KCNH7: variants seen among roughly 807,000 people sequenced by gnomAD.
KCNH7 encodes the protein voltage-gated inwardly rectifying potassium channel KCNH7.
KCNH7 carries 49 observed loss-of-function variants against 120.8 expected under a neutral mutation model. That is an observed-to-expected ratio of 0.41 (90% CI 0.32 to 0.51). KCNH7 has a LOEUF of 0.51. KCNH7 is among the 20% of genes least tolerant of loss of function. The probability of loss-of-function intolerance (pLI) is 0.38; values close to 1 mark genes in which losing one functional copy is unlikely to be tolerated. For synonymous variants in KCNH7, 547 were observed against 516.1 expected (o/e 1.06, Z -0.81); for missense variants, 1,097 against 1,446.6 (o/e 0.76, Z 3.92).
chr2:162,537,955 C>T (rs1330177004), intron 2 of KCNH7: 4 of 152,090 alleles, frequency 2.6e-5, no homozygotes, highest in African/African-American at 9.7e-5. Flanking sequence ...CTAGAATTCC[C>T]TCAAAGCAGT....
At chr2:162,774,157 T>G (rs1180037175) in intron 2 of KCNH7, among the ~76,000 whole-genome samples, 3 of 152,122 alleles carry the variant, frequency 2.0e-5, no homozygotes, top group Non-Finnish European at 4.4e-5. Flanking sequence ...AAAAGAAACT[T>G]TCTACACTTA....
At chr2:162,737,222 G>A (rs1440027630) in intron 2 of KCNH7, among the ~76,000 whole-genome samples, 2 of 152,134 alleles carry the variant, frequency 1.3e-5, no homozygotes, top group African/African-American at 2.4e-5. Flanking sequence ...TCTGCCTTGA[G>A]TTAAATGGGG....
At chr2:162,667,018 CTTTTT>C (rs34213467) in intron 2 of KCNH7, among the ~76,000 whole-genome samples, 13 of 124,214 alleles carry the variant, frequency 1.0e-4, no homozygotes, top group Non-Finnish European at 2.0e-4. Flanking sequence ...TTTTCTTTTT[CTTTTT>C]TTTTTTTTTT....
rs527466513 is a variant in KCNH7 at position 162,420,281 on chromosome 2, C to A, written c.2154+3055G>T. 9.9e-5 allele frequency among the ~76,000 whole-genome samples: 15 copies of A among 152,234 alleles called. No individual in the cohort carries two copies. In the South Asian group the frequency reaches 3.1e-3, roughly 32 times the overall value. On this transcript the variant is annotated intron_variant, in intron 9 of 15. Transcript: ENST00000332142. ...ATCCCAGCTACTCAGGAGGCTGAGG[C>A]AGGAGAATTGCTTGAACCCAGGAGG... is the stretch of plus-strand genomic sequence containing the variant.
intron 2 of KCNH7, among the ~76,000 whole-genome samples, chr2:162,681,641 T>C (rs923817754): frequency 2.6e-5 from 4 of 151,820 alleles, no homozygotes; most frequent in African/African-American, 9.6e-5. Flanking sequence ...ACCCCATTAA[T>C]GTTGCTAATT....
At chr2:162,552,322 T>C (rs1047816751) in intron 2 of KCNH7, among the ~76,000 whole-genome samples, 1 of 152,194 alleles carries the variant, frequency 6.6e-6, no homozygotes, top group Admixed American at 6.5e-5. Flanking sequence ...TTAACAGATA[T>C]TTATCAGAGT....
intron 6 of KCNH7, among the ~76,000 whole-genome samples, chr2:162,502,635 G>A (rs925491370): frequency 2.0e-5 from 3 of 151,940 alleles, no homozygotes; most frequent in African/African-American, 7.2e-5. Context: ...TTTCTTCCCT[G>A]CAAATTCTTC....
intron 2 of KCNH7, among the ~76,000 whole-genome samples, chr2:162,575,283 A>C (rs1045822245): frequency 6.6e-6 from 1 of 152,088 alleles, no homozygotes; most frequent in Non-Finnish European, 1.5e-5. Context: ...CTTCTGCCTT[A>C]TTCCTCAATC....
chr2:162,610,539 A>G (rs1293920302), intron 2 of KCNH7, among the ~76,000 whole-genome samples: 1 of 152,238 alleles, frequency 6.6e-6, no homozygotes, highest in Non-Finnish European at 1.5e-5. Context: ...TAATTTTATT[A>G]ACTTACATAT....
At chr2:162,656,976 C>T (rs1226133570) in intron 2 of KCNH7, among the ~76,000 whole-genome samples, 2 of 152,144 alleles carry the variant, frequency 1.3e-5, no homozygotes, top group Non-Finnish European at 2.9e-5. Flanking sequence ...TAGCAGATTG[C>T]TGCTAGAAAA....
At chr2:162,646,938 A>G (rs1472420401) in intron 2 of KCNH7, among the ~76,000 whole-genome samples, 2 of 152,192 alleles carry the variant, frequency 1.3e-5, no homozygotes, top group East Asian at 1.9e-4. Context: ...TTACAGAACT[A>G]TGAGATAATA....
chr2:162,649,276 A>T (rs1421757305), intron 2 of KCNH7, among the ~76,000 whole-genome samples: 1 of 152,180 alleles, frequency 6.6e-6, no homozygotes, highest in African/African-American at 2.4e-5. Context: ...AGATTTCCTT[A>T]AGATTATATC....
intron 2 of KCNH7, among the ~76,000 whole-genome samples, chr2:162,661,989 C>T (rs932775947): frequency 3.9e-5 from 6 of 151,936 alleles, no homozygotes; most frequent in South Asian, 2.1e-4. Context: ...TTAAGCTGGG[C>T]GCAGTGGCTC....
intron 2 of KCNH7, among the ~76,000 whole-genome samples, chr2:162,749,791 T>G (rs556266199): frequency 6.6e-6 from 1 of 152,190 alleles, no homozygotes; most frequent in South Asian, 2.1e-4. Flanking sequence ...CTATGGGTTT[T>G]AAAAGAATGC....
At chr2:162,546,405 C>T (rs577648755) in intron 2 of KCNH7, among the ~76,000 whole-genome samples, 1 of 152,080 alleles carries the variant, frequency 6.6e-6, no homozygotes, top group Non-Finnish European at 1.5e-5. Flanking sequence ...AATGTATTTA[C>T]AGCAGGCCCA....
At chr2:162,496,928 G>C (rs76666492) in intron 6 of KCNH7, 1 of 152,104 alleles carries the variant, frequency 6.6e-6, no homozygotes, top group South Asian at 2.1e-4. Context: ...AAGATATTTT[G>C]TACTAATATC....
intron 2 of KCNH7, among the ~76,000 whole-genome samples, chr2:162,698,290 A>C (rs1444590930): frequency 2.0e-5 from 3 of 152,144 alleles, no homozygotes; most frequent in Admixed American, 2.0e-4. Context: ...GTACCCTAGC[A>C]TATATGATTG....
intron 5 of KCNH7, among the ~76,000 whole-genome samples, chr2:162,505,908 TAATC>T (rs1295053944): frequency 6.6e-6 from 1 of 151,848 alleles, no homozygotes; most frequent in Non-Finnish European, 1.5e-5. Context: ...TTTTGGACAA[TAATC>T]AATCAACTTG....
chr2:162,588,809 A>G (rs1694108332), intron 2 of KCNH7, among the ~76,000 whole-genome samples: 2 of 152,234 alleles, frequency 1.3e-5, no homozygotes, highest in Non-Finnish European at 1.5e-5. Flanking sequence ...GCAGTGGTAT[A>G]GAACATTAGA....
Sources: allele counts gnomAD v4.1 joint callset (sites outside exome capture counted in the v4.1 genomes callset), GRCh38; gene constraint gnomAD v4.1.1; transcripts MANE v1.5; gene names NCBI Gene and HGNC (gene_info 2026-07-23, HGNC 2026-07-21).